Variants in DNAAF9 observed in about 807,000 individuals in gnomAD.
DNAAF9 encodes dynein axonemal assembly factor 9.
Under a neutral mutation model 167.0 loss-of-function variants are expected in DNAAF9, and 90 were observed. The observed-to-expected ratio is 0.54, with a 90% CI of 0.45 to 0.64. The LOEUF is 0.64. Ranked by LOEUF, DNAAF9 falls within the 30% of genes least tolerant of loss-of-function variation. The pLI, the probability that DNAAF9 is intolerant of heterozygous loss-of-function variation, is 0.00. For missense variants in DNAAF9, 1,315 were observed against 1,442.2 expected (o/e 0.91, Z 1.43); for synonymous variants, 491 against 508.8 (o/e 0.96, Z 0.47).
intron 21 of DNAAF9, among the ~76,000 whole-genome samples, chr20:3,298,646 T>C (rs1600732140): frequency 2.0e-5 from 3 of 152,222 alleles, no homozygotes. Flanking sequence ...ATACTGAAAA[T>C]GTCATCTCAA....
Position 3,343,691 on chromosome 20 carries a change from T to C in DNAAF9, c.830A>G (p.His277Arg), listed in dbSNP as rs372819234. Residue 277 changes from histidine (H) to arginine (R), a missense_variant, in exon 9 of 37, where the codon CAT becomes CGT. This residue lies in a region of DNAAF9 where 981 missense variants were observed against 1,012.5 expected (regional missense o/e 0.97). Coordinates refer to ENST00000252032, the MANE Select transcript of DNAAF9 (RefSeq NM_001009984.3). ...SYFSHGMISS[H>R]ITENSPNRQP... ...AGAAACTTACCTGTTTTCAGTTATA[T>C]GGCTAGAGATCATTCCATGACTGAA... 6.2e-6 allele frequency: 10 copies of C among 1,611,796 alleles called. No individual in the cohort carries two copies. Among genetic ancestry groups the C allele is most frequent in the Non-Finnish European group, 8.5e-6 (10 of 1,178,616 alleles).
At chr20:3,331,808 G>C (rs951534306) in intron 11 of DNAAF9, among the ~76,000 whole-genome samples, 1 of 152,168 alleles carries the variant, frequency 6.6e-6, no homozygotes. Flanking sequence ...TGAGTAGCTA[G>C]GACTACAGGT....
Position 3,340,490 on chromosome 20 carries a change from G to A in DNAAF9, c.981+14C>T. 1 of 1,306,268 alleles carries A rather than the reference G, an allele frequency of 7.7e-7. No individual in the cohort carries two copies. Among genetic ancestry groups the A allele is most frequent in the Non-Finnish European group, 1.0e-6 (1 of 991,560 alleles). The allele number at this position is 1,306,268 out of a possible 1,614,324, so 80.9% of individuals were successfully genotyped here. ...AATAAAACTAATCAAGCACCAGGCA[G>A]TCCAGCCACTTACCATGTGCTTGGC... On this transcript the variant is annotated intron_variant, in intron 10 of 36. Coordinates refer to ENST00000252032, the MANE Select transcript of DNAAF9 (RefSeq NM_001009984.3).
intron 32 of DNAAF9, 128 bp downstream of exon 32, chr20:3,259,794 C>T: frequency 1.5e-6 from 1 of 686,224 alleles, no homozygotes; most frequent in Non-Finnish European, 2.6e-6. Context: ...TCAAATCCCT[C>T]TGTCTACTTT....
chr20:3,279,784 G>A (rs1044932304), intron 28 of DNAAF9, among the ~76,000 whole-genome samples: 4 of 152,200 alleles, frequency 2.6e-5, no homozygotes, highest in African/African-American at 9.6e-5. Context: ...CAGGCAGCTG[G>A]GAGGCAGCAG....
intron 20 of DNAAF9, among the ~76,000 whole-genome samples, chr20:3,306,492 A>G (rs1419852199): frequency 6.6e-6 from 1 of 152,188 alleles, no homozygotes; most frequent in East Asian, 1.9e-4. Context: ...TGTTTTCACA[A>G]TTGTAACAGG....
In DNAAF9 at chr20:3,301,116, G is replaced by A. The variant is rs530352537; in HGVS notation, c.1783-2941C>T. 1.1e-3 allele frequency among the ~76,000 whole-genome samples: 162 copies of A among 150,002 alleles called. 2 individuals carry two copies. Among genetic ancestry groups the A allele is most frequent in the African/African-American group, 3.7e-3 (152 of 40,836 alleles). On this transcript the variant is annotated intron_variant, in intron 21 of 36. Coordinates refer to ENST00000252032, the MANE Select transcript of DNAAF9 (RefSeq NM_001009984.3). Reference sequence around the variant, plus strand: ...TGCAACCTTGAACTTCTGGGCTCAAGTGATCCTCCCACCTAAGCCTCCCAA... The same window carrying A: ...TGCAACCTTGAACTTCTGGGCTCAAATGATCCTCCCACCTAAGCCTCCCAA...
At chr20:3,298,335 T>G (rs2069119860) in intron 21 of DNAAF9, among the ~76,000 whole-genome samples, 160 bp from the exon 22 acceptor site, 1 of 152,142 alleles carries the variant, frequency 6.6e-6, no homozygotes. Context: ...ATAGGAGATA[T>G]AGGAAATAAA....
At chr20:3,310,316 GA>G (rs200516936) in intron 20 of DNAAF9, among the ~76,000 whole-genome samples, 7,451 of 108,194 alleles carry the variant, frequency 0.069, 370 homozygotes, top group African/African-American at 0.16. Context: ...AGGAAAGAAA[GA>G]AAGGAAAGAG....
chr20:3,363,374 T>G (rs1280803870), intron 6 of DNAAF9, among the ~76,000 whole-genome samples: 6 of 135,464 alleles, frequency 4.4e-5, no homozygotes, highest in South Asian at 2.4e-4. Flanking sequence ...TGAGGCAGGA[T>G]AATCACTTGA....
At chr20:3,354,574 T>A (rs1340391676) in intron 7 of DNAAF9, among the ~76,000 whole-genome samples, 1 of 152,200 alleles carries the variant, frequency 6.6e-6, no homozygotes, top group Non-Finnish European at 1.5e-5. Context: ...GAGCACCTTC[T>A]CTCAAAATTC....
intron 6 of DNAAF9, among the ~76,000 whole-genome samples, chr20:3,370,942 G>C (rs1422594622): frequency 9.9e-5 from 15 of 152,142 alleles, no homozygotes; most frequent in Non-Finnish European, 2.2e-4. Flanking sequence ...TGAGGGGAGA[G>C]GAGAGCGGTA....
At chr20:3,386,713 T>C (rs1428326996) in intron 1 of DNAAF9, among the ~76,000 whole-genome samples, 1 of 150,614 alleles carries the variant, frequency 6.6e-6, no homozygotes, top group African/African-American at 2.4e-5. Context: ...AAACCACATA[T>C]CTGAAAAAGA....
In DNAAF9 at chr20:3,365,786, T is replaced by G. The variant is rs141176315; in HGVS notation, c.613-6193A>C. On this transcript the variant is annotated intron_variant, in intron 6 of 36. Coordinates refer to ENST00000252032, the MANE Select transcript of DNAAF9 (RefSeq NM_001009984.3). ...CTTTATTAACTAAGTTTGCAGAATATTCTAAGTTCTTTGTTGAAGTTTCAA... is the reference window on the plus strand; with the variant it reads ...CTTTATTAACTAAGTTTGCAGAATAGTCTAAGTTCTTTGTTGAAGTTTCAA... Among the ~76,000 whole-genome samples the G allele has an allele frequency of 2.7e-3, 412 of 152,324 alleles. 1 individual carries two copies. Among genetic ancestry groups the G allele is most frequent in the African/African-American group, 9.3e-3 (387 of 41,574 alleles).
intron 2 of DNAAF9, 85 bp downstream of exon 2, chr20:3,382,342 A>G (rs75201953): frequency 0.031 from 30,151 of 986,646 alleles, 630 homozygotes; most frequent in African/African-American, 0.09. Flanking sequence ...CTTATTTCAC[A>G]TTGCTACTAT....
intron 6 of DNAAF9, among the ~76,000 whole-genome samples, chr20:3,373,328 T>A (rs1272118078): frequency 6.6e-6 from 1 of 152,204 alleles, no homozygotes; most frequent in Non-Finnish European, 1.5e-5. Context: ...CCGTCCCTGG[T>A]TTCCTGTACT....
At position 3,351,362 on chromosome 20, in the gene DNAAF9, T is replaced by C. The variant is rs141833689; in HGVS notation, c.691-2739A>G. Among the ~76,000 whole-genome samples, 946 of 152,126 alleles carry C rather than the reference T, an allele frequency of 6.2e-3. 8 individuals are homozygous for C. The highest frequency in any genetic ancestry group is 0.02 in the Middle Eastern group (6 of 294). Reference sequence around the variant, plus strand: ...AGCCAGCCATAGTGGCATGCACCTGTAATCCCAGCTACTGGAGAGGCTGAG... The same window carrying C: ...AGCCAGCCATAGTGGCATGCACCTGCAATCCCAGCTACTGGAGAGGCTGAG... On this transcript the variant is annotated intron_variant, in intron 7 of 36. Coordinates refer to ENST00000252032, the MANE Select transcript of DNAAF9 (RefSeq NM_001009984.3).
intron 8 of DNAAF9, among the ~76,000 whole-genome samples, chr20:3,347,165 A>T (rs2070208676): frequency 6.6e-6 from 1 of 152,182 alleles, no homozygotes; most frequent in Non-Finnish European, 1.5e-5. Context: ...TTAGAATAAA[A>T]GACTATGCTA....
In DNAAF9 at chr20:3,256,166, G is replaced by A; in HGVS notation, c.3101C>T (p.Ser1034Phe). 1 of 1,614,230 alleles carries A rather than the reference G, an allele frequency of 6.2e-7. No individual in the cohort carries two copies. Among genetic ancestry groups the A allele is most frequent in the Non-Finnish European group, 8.5e-7 (1 of 1,180,038 alleles). ...TTCCAAAACTGGCATGATGCTCAAG[G>A]AGTTGGCCAGTGTGTTGTAGCAGAC... ...MEVCYNTLAN[S>F]LSIMPVLEGP... The change falls in exon 34 of 37, where the codon TCC (serine) becomes TTC (phenylalanine). Residue 1034 changes from serine (S) to phenylalanine (F), a missense_variant. Around this residue, in one of 2 missense-constraint regions of DNAAF9, gnomAD observed 334 missense variants for 429.7 expected, o/e 0.78. Transcript: ENST00000252032.
Sources: gnomAD v4.1 joint callset for allele counts (sites outside exome capture counted in the v4.1 genomes callset) on GRCh38, gnomAD v4.1.1 for gene constraint, gnomAD v4.1.1 regional missense constraint, MANE v1.5 for transcripts, NCBI Gene and HGNC (gene_info 2026-07-23, HGNC 2026-07-21) for gene names.